Variants in AUTS2 observed in about 807,000 individuals in gnomAD.
The protein encoded by AUTS2 is autism susceptibility gene 2 protein.
A neutral mutation model predicts 112.4 loss-of-function variants in AUTS2; 17 were observed. That is an observed-to-expected ratio of 0.15 (90% CI 0.10 to 0.23). The LOEUF (loss-of-function observed/expected upper bound fraction) is 0.23, where lower values mean the gene tolerates loss of function less well. AUTS2 is among the 10% of genes least tolerant of loss of function. AUTS2 has a pLI of 1.00. For missense variants in AUTS2, 1,510 were observed against 1,701.6 expected, an observed-to-expected ratio of 0.89 and a Z score of 1.98; for synonymous variants, 751 against 702.7, an observed-to-expected ratio of 1.07 and a Z score of -1.09.
intron 6 of AUTS2, among the ~76,000 whole-genome samples, chr7:70,754,118 G>A (rs772586025): frequency 3.7e-4 from 57 of 152,224 alleles, no homozygotes; most frequent in South Asian, 1.5e-3. Flanking sequence ...CCGAGATCGC[G>A]CCGCTGCACT....
intron 1 of AUTS2, among the ~76,000 whole-genome samples, chr7:69,779,757 C>G (rs1789064591): frequency 7.0e-6 from 1 of 142,640 alleles, no homozygotes; most frequent in African/African-American, 2.6e-5. Context: ...GAACGAGACT[C>G]CATCTCAAAA....
In AUTS2 at chr7:70,064,366, C is replaced by T. The variant is rs1473608189; in HGVS notation, c.523-53766C>T. Among the ~76,000 whole-genome samples, 7 of 152,156 alleles carry T rather than the reference C, an allele frequency of 4.6e-5. No homozygotes were observed. The South Asian group carries it at 8.3e-4, about 18-fold the overall frequency. ...GCCCAGCTCACCCCAGCTTTTATAA[C>T]GGGGTCAGCTCCAGAAATAGCACCT... is the stretch of plus-strand genomic sequence containing the variant. On this transcript the variant is annotated intron_variant, in intron 2 of 18. Coordinates refer to ENST00000342771, the MANE Select transcript of AUTS2 (RefSeq NM_015570.4).
chr7:69,890,249 G>A (rs1794461745), intron 1 of AUTS2, among the ~76,000 whole-genome samples: 1 of 152,134 alleles, frequency 6.6e-6, no homozygotes, highest in Non-Finnish European at 1.5e-5. Context: ...AATTCACAGA[G>A]TGTGCAAAAA....
intron 5 of AUTS2, among the ~76,000 whole-genome samples, chr7:70,639,301 G>A (rs1314107831): frequency 6.6e-6 from 1 of 151,964 alleles, no homozygotes; most frequent in Non-Finnish European, 1.5e-5. Flanking sequence ...CTAGGTAATT[G>A]CTTTTGAGTT....
intron 4 of AUTS2, among the ~76,000 whole-genome samples, chr7:70,287,034 G>C (rs931738779): frequency 6.6e-6 from 1 of 152,158 alleles, no homozygotes; most frequent in Non-Finnish European, 1.5e-5. Flanking sequence ...AGACAATTAA[G>C]TTGTTGCTTT....
chr7:70,110,466 A>G (rs559042020), intron 2 of AUTS2, among the ~76,000 whole-genome samples: 17 of 152,312 alleles, frequency 1.1e-4, no homozygotes, highest in African/African-American at 4.1e-4. Flanking sequence ...CAGTGAGCCG[A>G]GATCGCGCCA....
At chr7:69,805,301 C>G (rs1436504169) in intron 1 of AUTS2, among the ~76,000 whole-genome samples, 1 of 152,208 alleles carries the variant, frequency 6.6e-6, no homozygotes, top group Non-Finnish European at 1.5e-5. Context: ...CACCCTTTAC[C>G]TCTGCCCCCT....
intron 2 of AUTS2, among the ~76,000 whole-genome samples, chr7:69,973,357 A>G (rs992960149): frequency 3.3e-5 from 5 of 152,204 alleles, no homozygotes; most frequent in African/African-American, 9.6e-5. Context: ...TGTATAGACA[A>G]TTATGTCATT....
chr7:70,078,503 A>T (rs144827436), intron 2 of AUTS2, among the ~76,000 whole-genome samples: 1 of 152,326 alleles, frequency 6.6e-6, no homozygotes, highest in East Asian at 1.9e-4. Context: ...ATCCTAATGA[A>T]GTAAAGTTTC....
chr7:69,962,807 T>G (rs1213605752), intron 2 of AUTS2, among the ~76,000 whole-genome samples: 1 of 152,020 alleles, frequency 6.6e-6, no homozygotes, highest in Non-Finnish European at 1.5e-5. Context: ...GAGAAAGTCA[T>G]TCTTAGCAGA....
intron 2 of AUTS2, among the ~76,000 whole-genome samples, chr7:70,008,409 G>A (rs1799643816): frequency 6.6e-6 from 1 of 151,948 alleles, no homozygotes; most frequent in Non-Finnish European, 1.5e-5. Flanking sequence ...AAAATATTAT[G>A]CATTATATAT....
At chr7:70,365,926 C>T (rs894834215) in intron 4 of AUTS2, among the ~76,000 whole-genome samples, 10 of 152,270 alleles carry the variant, frequency 6.6e-5, no homozygotes, top group East Asian at 1.9e-4. Flanking sequence ...TGGAAAGAGA[C>T]GGTGGGAAGC....
At chr7:70,613,522 A>G (rs1804203724) in intron 5 of AUTS2, among the ~76,000 whole-genome samples, 1 of 152,046 alleles carries the variant, frequency 6.6e-6, no homozygotes, top group Admixed American at 6.6e-5. Context: ...CAGGCTGGGG[A>G]CTTCAGAGGC....
chr7:70,436,629 G>A (rs1282162716), intron 5 of AUTS2: 1 of 152,176 alleles, frequency 6.6e-6, no homozygotes, highest in Non-Finnish European at 1.5e-5. Context: ...GGATGGACTC[G>A]GCCTCCCTTC....
At chr7:70,050,973 C>A (rs907554919) in intron 2 of AUTS2, among the ~76,000 whole-genome samples, 1 of 152,056 alleles carries the variant, frequency 6.6e-6, no homozygotes, top group Non-Finnish European at 1.5e-5. Context: ...CCAGCCTGGG[C>A]GACAGAGCGA....
intron 5 of AUTS2, among the ~76,000 whole-genome samples, chr7:70,498,904 C>T (rs1343509691): frequency 4.6e-5 from 7 of 152,150 alleles, no homozygotes. Context: ...GGACTGAGCA[C>T]AAGAGGAGGC....
At chr7:70,255,883 A>G (rs1369369988) in intron 4 of AUTS2, among the ~76,000 whole-genome samples, 1 of 152,242 alleles carries the variant, frequency 6.6e-6, no homozygotes, top group Admixed American at 6.5e-5. Flanking sequence ...TAGATTTATT[A>G]ATCATTGGGT....
At chr7:70,146,749 T>C (rs1227911089) in intron 4 of AUTS2, among the ~76,000 whole-genome samples, 2 of 152,140 alleles carry the variant, frequency 1.3e-5, no homozygotes, top group Non-Finnish European at 2.9e-5. Context: ...AGCTGTCACA[T>C]AGAAAGCCTT....
chr7:70,760,007 G>T (rs1181531194), intron 6 of AUTS2, among the ~76,000 whole-genome samples: 2 of 151,548 alleles, frequency 1.3e-5, no homozygotes, highest in Non-Finnish European at 2.9e-5. Context: ...AATACAAAAA[G>T]ATTTTTTTTT....
Sources: allele counts gnomAD v4.1 joint callset (sites outside exome capture counted in the v4.1 genomes callset), GRCh38; gene constraint gnomAD v4.1.1; transcripts MANE v1.5; gene names NCBI Gene and HGNC (gene_info 2026-07-23, HGNC 2026-07-21).